Variants in OR7E24 observed in about 807,000 individuals in gnomAD.
The protein encoded by OR7E24 is olfactory receptor 7E24.
For missense variants in OR7E24, 385 were observed against 410.3 expected (o/e 0.94, Z 0.53); for synonymous variants, 130 against 157.5 (o/e 0.83, Z 1.31).
the OR7E24 span, among the ~76,000 whole-genome samples, chr19:9,226,399 A>G: frequency 1.3e-5 from 2 of 152,188 alleles, no homozygotes; most frequent in African/African-American, 2.4e-5. Context: ...ACGGGACCGC[A>G]CATTCCGTGT....
chr19:9,251,341 A>G lies in OR7E24; in HGVS notation c.298A>G (p.Ile100Val). ...GFTSTTVPKM[I>V]VDMQTHSRVI... ...CACCTCCACCACGGTCCCCAAGATGATTGTGGACATGCAAACTCACAGCAG... is the reference window on the plus strand; with the variant it reads ...CACCTCCACCACGGTCCCCAAGATGGTTGTGGACATGCAAACTCACAGCAG... Residue 100 changes from isoleucine to valine, a missense_variant, in exon 1 of 1, where the codon ATT becomes GTT. By Grantham distance (29) the Ile-to-Val change is conservative (BLOSUM62 3). Coordinates refer to ENST00000456448, the MANE Select transcript of OR7E24 (RefSeq NM_001079935.2). 1 of 1,613,718 alleles carries G rather than the reference A, an allele frequency of 6.2e-7. No individual in the cohort carries two copies. The highest frequency in any genetic ancestry group is 8.5e-7 in the Non-Finnish European group (1 of 1,179,816).
upstream of OR7E24, among the ~76,000 whole-genome samples, chr19:9,243,645 C>T (rs2066121914): frequency 6.6e-6 from 1 of 152,200 alleles, no homozygotes; most frequent in South Asian, 2.1e-4. Flanking sequence ...CTTTCTGATG[C>T]TAGAGGCAGG....
the OR7E24 span, chr19:9,210,301 A>C: frequency 6.6e-6 from 1 of 152,104 alleles, no homozygotes; most frequent in Non-Finnish European, 1.5e-5. Context: ...GGAATGTGAA[A>C]GTTTATAAAG....
At chr19:9,213,782 C>A in the OR7E24 span, 3 of 724,530 alleles carry the variant, frequency 4.1e-6, no homozygotes, top group Admixed American at 5.6e-5. Context: ...ATAACAACAA[C>A]CAAAAATCCC....
At chr19:9,207,760 T>C in the OR7E24 span, 1 of 152,228 alleles carries the variant, frequency 6.6e-6, no homozygotes, top group African/African-American at 2.4e-5. Context: ...AGGTTGGGGC[T>C]CTTGAAGTTA....
At chr19:9,247,672 G>T (rs1386054479), upstream of OR7E24, among the ~76,000 whole-genome samples, 2 of 152,126 alleles carry the variant, frequency 1.3e-5, no homozygotes, top group Non-Finnish European at 2.9e-5. Flanking sequence ...TTATGTTCAG[G>T]GTTGTGTGTG....
chr19:9,229,117 A>C, the OR7E24 span, among the ~76,000 whole-genome samples: 1 of 152,250 alleles, frequency 6.6e-6, no homozygotes, highest in African/African-American at 2.4e-5. Flanking sequence ...AAATTTAAAA[A>C]AAAGATCCCT....
the OR7E24 span, among the ~76,000 whole-genome samples, chr19:9,220,073 T>C: frequency 1.3e-5 from 2 of 152,006 alleles, no homozygotes; most frequent in African/African-American, 4.8e-5. Flanking sequence ...TTTTAAATTA[T>C]AGAATTATAT....
At chr19:9,239,294 C>A in the OR7E24 span, among the ~76,000 whole-genome samples, 2 of 151,926 alleles carry the variant, frequency 1.3e-5, no homozygotes, top group African/African-American at 4.8e-5. Flanking sequence ...CTCAGCCTCC[C>A]GAGTAGCTGG....
At chr19:9,220,972 AC>A in the OR7E24 span, among the ~76,000 whole-genome samples, 1 of 151,940 alleles carries the variant, frequency 6.6e-6, no homozygotes, top group Non-Finnish European at 1.5e-5. Context: ...GTGAAGTTAA[AC>A]CTTTTAAAAA....
At chr19:9,214,637 G>A in the OR7E24 span, 3 of 1,614,148 alleles carry the variant, frequency 1.9e-6, no homozygotes, top group Admixed American at 1.7e-5. Flanking sequence ...TGTCAACAAA[G>A]GACAGGTTGG....
At chr19:9,223,759 A>C in the OR7E24 span, among the ~76,000 whole-genome samples, 6 of 145,162 alleles carry the variant, frequency 4.1e-5, no homozygotes, top group Admixed American at 7.0e-5. Context: ...TTTTAATAGT[A>C]CAGGACATCT....
the OR7E24 span, among the ~76,000 whole-genome samples, chr19:9,216,599 C>CT: frequency 3.5e-4 from 52 of 148,470 alleles, no homozygotes; most frequent in South Asian, 1.1e-3. Context: ...TGTTCTTTTG[C>CT]TTTTTTTTTT....
At chr19:9,206,491 G>C in the OR7E24 span, 1 of 152,108 alleles carries the variant, frequency 6.6e-6, no homozygotes, top group Non-Finnish European at 1.5e-5. Flanking sequence ...TTTAGTTTCC[G>C]AGCAATGACC....
chr19:9,251,611 G>A lies in OR7E24; in HGVS notation c.568G>A (p.Val190Met), dbSNP rs765304529. Reference sequence around the variant, plus strand: ...GTTACAGCTCACCTGCTTCAAGGATGTGGACATTTCTAATTTCTTCTGTGA... The same window carrying A: ...GTTACAGCTCACCTGCTTCAAGGATATGGACATTTCTAATTTCTTCTGTGA... ...IMLQLTCFKD[V>M]DISNFFCDPS... Residue 190 changes from valine to methionine, a missense_variant, in exon 1 of 1, where the codon GTG (valine) becomes ATG (methionine). Physicochemically the swap from Val to Met is conservative, Grantham distance 21 (BLOSUM62 1). Transcript: ENST00000456448. 16 of 1,613,286 alleles carry A rather than the reference G, an allele frequency of 9.9e-6. No individual in the cohort carries two copies. The highest frequency in any genetic ancestry group is 1.7e-5 in the Admixed American group (1 of 59,878).
the OR7E24 span, chr19:9,235,167 A>G: frequency 7.7e-7 from 1 of 1,291,804 alleles, no homozygotes; most frequent in Non-Finnish European, 1.1e-6. Context: ...ACCTTACAGA[A>G]TTATCAGAAT....
chr19:9,250,745 G>C (rs1372372242), upstream of OR7E24, among the ~76,000 whole-genome samples: 1 of 152,126 alleles, frequency 6.6e-6, no homozygotes, highest in Non-Finnish European at 1.5e-5. Flanking sequence ...TCTTAAAGGG[G>C]CAAGAATATT....
chr19:9,207,389 A>C, the OR7E24 span: 1 of 152,196 alleles, frequency 6.6e-6, no homozygotes, highest in Non-Finnish European at 1.5e-5. Flanking sequence ...TTGCAGCAAC[A>C]TGGATTTAAG....
At chr19:9,214,277 CACCTTGAGG>C in the OR7E24 span, 3 of 1,614,126 alleles carry the variant, frequency 1.9e-6, no homozygotes, top group Admixed American at 3.3e-5. Context: ...TAGAGCAGGC[CACCTTGAGG>C]ACCTGAGCCG....
Sources: gnomAD v4.1 joint callset for allele counts (sites outside exome capture counted in the v4.1 genomes callset) on GRCh38, gnomAD v4.1.1 for gene constraint, MANE v1.5 for transcripts, NCBI Gene and HGNC (gene_info 2026-07-23, HGNC 2026-07-21) for gene names.